VPS54: variants seen among roughly 807,000 people sequenced by gnomAD.
VPS54 encodes the protein VPS54 subunit of GARP complex.
A neutral mutation model predicts 121.5 loss-of-function variants in VPS54; 45 were observed. The observed-to-expected ratio is 0.37, with a 90% CI of 0.29 to 0.47. The LOEUF (loss-of-function observed/expected upper bound fraction) is 0.47, where lower values mean the gene tolerates loss of function less well. Among genes scored for constraint, VPS54 ranks in the 20% least tolerant of loss-of-function variants. VPS54 has a pLI of 0.99. For synonymous variants in VPS54, 371 were observed against 385.8 expected (o/e 0.96, Z 0.45); for missense variants, 1,090 against 1,131.4 (o/e 0.96, Z 0.52).
At chr2:63,937,130 C>CA (rs1385918149) in intron 11 of VPS54, among the ~76,000 whole-genome samples, 1 of 151,862 alleles carries the variant, frequency 6.6e-6, no homozygotes, top group East Asian at 1.9e-4. Flanking sequence ...TAGGTGACAA[C>CA]AAAAAAATAG....
chr2:63,955,616 TAC>T (rs939017590), intron 7 of VPS54, among the ~76,000 whole-genome samples: 7 of 152,046 alleles, frequency 4.6e-5, no homozygotes, highest in Non-Finnish European at 1.0e-4. Context: ...AATTATCTAA[TAC>T]AGGCTATATA....
chr2:63,994,080 T>A (rs895617096), intron 1 of VPS54, among the ~76,000 whole-genome samples: 18 of 152,152 alleles, frequency 1.2e-4, no homozygotes, highest in African/African-American at 4.3e-4. Context: ...TGTGGTGAGA[T>A]CTGTGCCAAC....
intron 1 of VPS54, among the ~76,000 whole-genome samples, chr2:64,003,382 ATAT>A (rs1464474756): frequency 6.6e-6 from 1 of 152,262 alleles, no homozygotes; most frequent in East Asian, 1.9e-4. Flanking sequence ...CTATGTTCAA[ATAT>A]TATTCTCTCT....
chr2:63,965,727 A>G, intron 6 of VPS54, 108 bp downstream of exon 6: 1 of 1,477,454 alleles, frequency 6.8e-7, no homozygotes, highest in South Asian at 1.3e-5. Flanking sequence ...GTAAGAACAA[A>G]AATGAATTTA....
intron 1 of VPS54, among the ~76,000 whole-genome samples, chr2:64,011,522 T>C (rs1363832168): frequency 6.6e-6 from 1 of 152,060 alleles, no homozygotes; most frequent in Non-Finnish European, 1.5e-5. Context: ...GCCGTGATTA[T>C]ACCACTGCAC....
At chr2:63,941,346 A>AC (rs1380228822) in intron 11 of VPS54, among the ~76,000 whole-genome samples, 1 of 151,528 alleles carries the variant, frequency 6.6e-6, no homozygotes, top group Non-Finnish European at 1.5e-5. Flanking sequence ...CACCTCAGCC[A>AC]CCCAAGTAGC....
intron 10 of VPS54, 30 bp downstream of exon 10, chr2:63,944,570 A>G: frequency 6.4e-7 from 1 of 1,574,212 alleles, no homozygotes; most frequent in Non-Finnish European, 8.7e-7. Flanking sequence ...TCTCTGACTG[A>G]TAACCACCAA....
chr2:63,932,309 G>A (rs187657264), intron 12 of VPS54, among the ~76,000 whole-genome samples: 194 of 152,172 alleles, frequency 1.3e-3, no homozygotes, highest in Non-Finnish European at 1.7e-3. Context: ...CATATACACC[G>A]TGGAATACTA....
intron 22 of VPS54, among the ~76,000 whole-genome samples, chr2:63,894,021 T>C (rs1575873729): frequency 2.6e-5 from 4 of 151,620 alleles, no homozygotes; most frequent in Non-Finnish European, 4.4e-5. Flanking sequence ...AAGAGAAAAA[T>C]AGGAAAGAAC....
intron 18 of VPS54, among the ~76,000 whole-genome samples, chr2:63,912,931 A>C (rs1673217157): frequency 6.6e-6 from 1 of 152,174 alleles, no homozygotes; most frequent in South Asian, 2.1e-4. Flanking sequence ...TTCTCTTATG[A>C]CATTCAGATA....
At chr2:63,900,758 TTTG>T (rs1305580361) in intron 20 of VPS54, among the ~76,000 whole-genome samples, 5 of 151,520 alleles carry the variant, frequency 3.3e-5, no homozygotes, top group Non-Finnish European at 7.4e-5. Context: ...TCTGGTTTTT[TTTG>T]TTTGTTTTTT....
chr2:63,987,053 CAGA>C (rs1677087003), intron 1 of VPS54, among the ~76,000 whole-genome samples: 1 of 152,162 alleles, frequency 6.6e-6, no homozygotes, highest in Non-Finnish European at 1.5e-5. Flanking sequence ...CTTTGCTGTG[CAGA>C]AGCTTTGTAA....
chr2:64,008,953 G>A (rs947150696), intron 1 of VPS54, among the ~76,000 whole-genome samples: 7 of 152,244 alleles, frequency 4.6e-5, no homozygotes, highest in African/African-American at 9.6e-5. Context: ...ATGAATCAAC[G>A]ATCTCCATTA....
intron 20 of VPS54, among the ~76,000 whole-genome samples, chr2:63,910,287 G>T (rs768176197): frequency 3.3e-5 from 5 of 152,114 alleles, no homozygotes; most frequent in African/African-American, 7.2e-5. Flanking sequence ...GTCATCAATG[G>T]AGAAGATACT....
At chr2:63,981,503 A>T (rs2104613685) in intron 3 of VPS54, 143 bp downstream of exon 3, 1 of 782,130 alleles carries the variant, frequency 1.3e-6, no homozygotes, top group Non-Finnish European at 1.8e-6. Context: ...AATTAAATGC[A>T]ACCCAGGACA....
chr2:64,009,595 C>T (rs753162004), intron 1 of VPS54, among the ~76,000 whole-genome samples: 1 of 152,100 alleles, frequency 6.6e-6, no homozygotes. Flanking sequence ...GGATTACAGG[C>T]GTGAGCCACC....
chr2:64,005,343 T>C (rs1345714839), intron 1 of VPS54, among the ~76,000 whole-genome samples: 2 of 151,828 alleles, frequency 1.3e-5, no homozygotes, highest in Non-Finnish European at 1.5e-5. Context: ...GACCTTGTGA[T>C]CCGCCCGCCT....
chr2:63,998,394 C>T (rs1404860982), intron 1 of VPS54, among the ~76,000 whole-genome samples: 2 of 152,118 alleles, frequency 1.3e-5, no homozygotes, highest in African/African-American at 4.8e-5. Context: ...GAGAGTTAGT[C>T]AACTTACATT....
intron 1 of VPS54, among the ~76,000 whole-genome samples, chr2:64,013,699 A>G (rs1678552184): frequency 2.0e-5 from 3 of 147,036 alleles, no homozygotes. Flanking sequence ...TCACATATAT[A>G]GAGATATATA....
Sources: allele counts gnomAD v4.1 joint callset (sites outside exome capture counted in the v4.1 genomes callset), GRCh38; gene constraint gnomAD v4.1.1; transcripts MANE v1.5; gene names NCBI Gene and HGNC (gene_info 2026-07-23, HGNC 2026-07-21).